Variants in PARD3 observed in about 807,000 individuals in gnomAD.
The protein encoded by PARD3 is par-3 family cell polarity regulator.
PARD3 carries 75 observed loss-of-function variants against 155.4 expected under a neutral mutation model. The ratio of observed to expected loss-of-function variants is 0.48; its 90% confidence interval spans 0.40 to 0.58. The LOEUF (loss-of-function observed/expected upper bound fraction) is 0.58, where lower values mean the gene tolerates loss of function less well. Among genes scored for constraint, PARD3 ranks in the 20% least tolerant of loss-of-function variants. PARD3 has a pLI of 0.00. For missense variants in PARD3, 1,642 were observed against 1,721.7 expected (o/e 0.95, Z 0.82); for synonymous variants, 576 against 610.5 (o/e 0.94, Z 0.83).
At chr10:34,164,699 T>C (rs1231572423) in intron 22 of PARD3, among the ~76,000 whole-genome samples, 1 of 152,218 alleles carries the variant, frequency 6.6e-6, no homozygotes, top group Non-Finnish European at 1.5e-5. Context: ...ACATGCAGTT[T>C]TCCTGTGCAG....
intron 1 of PARD3, among the ~76,000 whole-genome samples, chr10:34,754,649 C>T (rs143489244): frequency 1.3e-5 from 2 of 152,306 alleles, no homozygotes; most frequent in Admixed American, 1.3e-4. Context: ...CTTTCTTTTA[C>T]TAACATGTAA....
chr10:34,593,409 C>T (rs566763942), intron 2 of PARD3, among the ~76,000 whole-genome samples: 13 of 152,198 alleles, frequency 8.5e-5, no homozygotes, highest in African/African-American at 2.6e-4. Flanking sequence ...CCATGACAGA[C>T]ACAAATAAAC....
At chr10:34,788,295 C>T (rs1841231856) in intron 1 of PARD3, among the ~76,000 whole-genome samples, 1 of 152,018 alleles carries the variant, frequency 6.6e-6, no homozygotes, top group Non-Finnish European at 1.5e-5. Context: ...TGTGTGTCAC[C>T]CAGAAAGCGC....
chr10:34,363,442 T>G (rs1213352943), intron 12 of PARD3, among the ~76,000 whole-genome samples: 1 of 152,228 alleles, frequency 6.6e-6, no homozygotes, highest in Non-Finnish European at 1.5e-5. Context: ...TCATGTGATA[T>G]TCCACTATTA....
At chr10:34,696,508 A>G (rs1473021840) in intron 1 of PARD3, 89 bp from the exon 2 acceptor site, 7 of 806,704 alleles carry the variant, frequency 8.7e-6, no homozygotes, top group Admixed American at 8.0e-5. Flanking sequence ...CTTCCTGCCC[A>G]TAAAAAGGAA....
intron 22 of PARD3, among the ~76,000 whole-genome samples, chr10:34,238,132 A>G (rs934297026): frequency 1.3e-5 from 2 of 152,206 alleles, no homozygotes; most frequent in African/African-American, 4.8e-5. Flanking sequence ...TGTTTCCCAA[A>G]GATGCTTTCC....
At chr10:34,442,434 C>T (rs1357893886) in intron 5 of PARD3, among the ~76,000 whole-genome samples, 1 of 152,210 alleles carries the variant, frequency 6.6e-6, no homozygotes, top group East Asian at 1.9e-4. Context: ...AAACCACCTC[C>T]TATTGTAATT....
At chr10:34,116,935 G>C (rs1027249021) in intron 24 of PARD3, among the ~76,000 whole-genome samples, 5 of 152,184 alleles carry the variant, frequency 3.3e-5, no homozygotes, top group African/African-American at 1.2e-4. Context: ...GAGATGTCGG[G>C]GCTCAGAGTA....
At chr10:34,771,694 T>C (rs1367899767) in intron 1 of PARD3, among the ~76,000 whole-genome samples, 1 of 152,236 alleles carries the variant, frequency 6.6e-6, no homozygotes, top group African/African-American at 2.4e-5. Flanking sequence ...GTGTATCTTA[T>C]GAAGCAAGAG....
intron 2 of PARD3, among the ~76,000 whole-genome samples, chr10:34,549,855 A>G (rs1029523361): frequency 1.3e-5 from 2 of 151,980 alleles, no homozygotes; most frequent in African/African-American, 4.8e-5. Context: ...CTGAGCACAC[A>G]GAAGGTAAGA....
intron 2 of PARD3, among the ~76,000 whole-genome samples, chr10:34,681,041 G>A (rs911751995): frequency 6.6e-6 from 1 of 151,928 alleles, no homozygotes; most frequent in African/African-American, 2.4e-5. Context: ...TATACAGCTG[G>A]TGAATAATAT....
chr10:34,145,189 G>GTGTATA (rs1420164054), intron 22 of PARD3, among the ~76,000 whole-genome samples: 3 of 49,620 alleles, frequency 6.0e-5, no homozygotes, highest in African/African-American at 3.3e-4. Context: ...GTGTGTGTGT[G>GTGTATA]TATATATATA....
chr10:34,750,558 A>T (rs1206365454), intron 1 of PARD3, among the ~76,000 whole-genome samples: 1 of 151,988 alleles, frequency 6.6e-6, no homozygotes, highest in East Asian at 1.9e-4. Flanking sequence ...CACAATTTAC[A>T]TGTTTACATT....
Position 34,515,683 on chromosome 10 carries a change from T to G in PARD3, c.403+1296A>C, listed in dbSNP as rs376881109. On this transcript the variant is annotated intron_variant, in intron 3 of 24. Transcript: ENST00000374788. ...CTTCAAGGGACAAGAGAAGCAGAAG[T>G]AGTTTGTAAACATCTAGAAGCAAAT... is the stretch of plus-strand genomic sequence containing the variant. Among the ~76,000 whole-genome samples the G allele has an allele frequency of 2.4e-4, 36 of 152,326 alleles. No individual in the cohort carries two copies. The South Asian group carries it at 6.8e-3, about 29-fold the overall frequency.
chr10:34,737,234 T>C (rs1046829923), intron 1 of PARD3, among the ~76,000 whole-genome samples: 1 of 152,230 alleles, frequency 6.6e-6, no homozygotes, highest in East Asian at 1.9e-4. Flanking sequence ...AGGTATCTCA[T>C]GCATACAATG....
chr10:34,180,561 A>G (rs1950224697), intron 22 of PARD3, among the ~76,000 whole-genome samples: 1 of 152,190 alleles, frequency 6.6e-6, no homozygotes, highest in African/African-American at 2.4e-5. Context: ...GATTTAACAC[A>G]TGAAAAAATT....
In PARD3 at chr10:34,547,952, C is replaced by A. The variant is rs567343383; in HGVS notation, c.223-30793G>T. On this transcript the variant is annotated intron_variant, in intron 2 of 24. Coordinates refer to ENST00000374788, the MANE Select transcript of PARD3 (RefSeq NM_001184785.2). ...CACATCAATGGGCTCTAAAAGCTAA[C>A]CAGATGGTGACAAGCAAATTATACA... 6.6e-5 allele frequency among the ~76,000 whole-genome samples: 10 copies of A among 152,264 alleles called. 1 individual carries two copies. The highest frequency in any genetic ancestry group is 2.0e-4 in the Admixed American group (3 of 15,292).
At chr10:34,796,179 AC>A (rs1247581543) in intron 1 of PARD3, among the ~76,000 whole-genome samples, 1 of 152,104 alleles carries the variant, frequency 6.6e-6, no homozygotes, top group African/African-American at 2.4e-5. Flanking sequence ...AAAAACAAAA[AC>A]AAAAAAAAGT....
At position 34,526,004 on chromosome 10, in the gene PARD3, C is replaced by T. The variant is rs1037555459; in HGVS notation, c.223-8845G>A. Reference sequence around the variant, plus strand: ...GCTGAGGCAAGGGGAATCGCTTGAACGTGGGAGATGGAGGTTGCGGTGAGC... The same window carrying T: ...GCTGAGGCAAGGGGAATCGCTTGAATGTGGGAGATGGAGGTTGCGGTGAGC... On this transcript the variant is annotated intron_variant, in intron 2 of 24. Coordinates refer to ENST00000374788, the MANE Select transcript of PARD3 (RefSeq NM_001184785.2). Among the ~76,000 whole-genome samples the T allele has an allele frequency of 1.2e-4, 17 of 139,996 alleles. 1 individual carries two copies. The highest frequency in any genetic ancestry group is 1.1e-3 in the Admixed American group (14 of 12,586). The allele number at this position is 139,996 out of a possible 152,430, so 91.8% of individuals were successfully genotyped here. A position where few individuals can be genotyped will look rare whatever the true frequency, so the allele number is the denominator to read the frequency against.
Sources: allele counts gnomAD v4.1 joint callset (sites outside exome capture counted in the v4.1 genomes callset), GRCh38; gene constraint gnomAD v4.1.1; transcripts MANE v1.5; gene names NCBI Gene and HGNC (gene_info 2026-07-23, HGNC 2026-07-21).